Variants in SMAGP observed in about 807,000 individuals in gnomAD.
SMAGP encodes the protein small cell transmembrane and glycosylated protein.
Under a neutral mutation model 10.1 loss-of-function variants are expected in SMAGP, and 7 were observed. The ratio of observed to expected loss-of-function variants is 0.70; its 90% confidence interval spans 0.40 to 1.31. SMAGP has a LOEUF of 1.31. Ranked by LOEUF, SMAGP falls within the 50% of genes most tolerant of loss-of-function variation. SMAGP has a pLI of 0.01. For synonymous variants in SMAGP, 49 were observed against 47.2 expected (o/e 1.04, Z -0.16); for missense variants, 113 against 116.5 (o/e 0.97, Z 0.14).
intron 2 of SMAGP, among the ~76,000 whole-genome samples, chr12:51,248,676 A>G (rs1388992481): frequency 6.6e-6 from 1 of 152,018 alleles, no homozygotes; most frequent in African/African-American, 2.4e-5. Context: ...TCCTCATTCC[A>G]GAGGGAGAAT....
chr12:51,266,720 T>C (rs1944978043), intron 2 of SMAGP, among the ~76,000 whole-genome samples: 1 of 151,926 alleles, frequency 6.6e-6, no homozygotes, highest in African/African-American at 2.4e-5. Flanking sequence ...TCCACTGGGG[T>C]TTTTGGAATG....
chr12:51,262,917 T>C (rs755520156), intron 2 of SMAGP, among the ~76,000 whole-genome samples: 1 of 152,186 alleles, frequency 6.6e-6, no homozygotes, highest in Non-Finnish European at 1.5e-5. Flanking sequence ...GAAGCCACCC[T>C]GGGACTCGGC....
intron 2 of SMAGP, among the ~76,000 whole-genome samples, chr12:51,250,257 C>T (rs1305812711): frequency 6.6e-6 from 1 of 151,448 alleles, no homozygotes; most frequent in Non-Finnish European, 1.5e-5. Flanking sequence ...TAATATGCGC[C>T]TGTAGTCCCA....
intron 2 of SMAGP, among the ~76,000 whole-genome samples, chr12:51,259,125 C>A (rs1047535505): frequency 1.3e-5 from 2 of 151,984 alleles, no homozygotes; most frequent in Non-Finnish European, 2.9e-5. Flanking sequence ...CAGAGTAAGA[C>A]CCTGTCTCAA....
chr12:51,262,442 C>T (rs1446149773), intron 2 of SMAGP, among the ~76,000 whole-genome samples: 1 of 152,120 alleles, frequency 6.6e-6, no homozygotes, highest in Non-Finnish European at 1.5e-5. Context: ...GATTGAGCCA[C>T]TGCTCTACAG....
intron 2 of SMAGP, among the ~76,000 whole-genome samples, chr12:51,258,044 G>C (rs532209168): frequency 6.6e-6 from 1 of 152,030 alleles, no homozygotes; most frequent in African/African-American, 2.4e-5. Flanking sequence ...GCACACACCT[G>C]TAAGTCCAGC....
At chr12:51,260,728 C>T (rs191678386) in intron 2 of SMAGP, among the ~76,000 whole-genome samples, 2 of 137,454 alleles carry the variant, frequency 1.5e-5, no homozygotes, top group African/African-American at 5.6e-5. Context: ...TTCTCTGGCC[C>T]AGGCTGGAGT....
At chr12:51,264,627 TAAAAAAAAAAA>T (rs576531152) in intron 2 of SMAGP, among the ~76,000 whole-genome samples, 10 of 101,110 alleles carry the variant, frequency 9.9e-5, no homozygotes, top group Non-Finnish European at 2.0e-4. Context: ...TCCCATCTCT[TAAAAAAAAAAA>T]AAAAAAAAAA....
At chr12:51,257,483 G>C (rs529758205) in intron 2 of SMAGP, among the ~76,000 whole-genome samples, 2 of 152,100 alleles carry the variant, frequency 1.3e-5, no homozygotes, top group Non-Finnish European at 2.9e-5. Flanking sequence ...GCCGAGTGGG[G>C]AGAATTGTTT....
In SMAGP at chr12:51,270,401, G is replaced by A. The variant is rs1263830342; in HGVS notation, c.-184C>T. ...GCGGAGGAAGCCGCGGGTGGCGCGC[G>A]GGGTTGGCGCAGAGGCCGGAGGGGG... On this transcript the variant is annotated 5_prime_UTR_variant, in exon 1 of 4. Transcript: ENST00000603798. The A allele has an allele frequency of 4.2e-6, 1 of 236,520 alleles. No homozygotes were observed. Among genetic ancestry groups the A allele is most frequent in the East Asian group, 8.0e-5 (1 of 12,440 alleles). The allele number at this position is 236,520 out of a possible 1,614,324, so 14.7% of individuals were successfully genotyped here. A position where few individuals can be genotyped will look rare whatever the true frequency, so the allele number is the denominator to read the frequency against.
chr12:51,265,588 A>C (rs1944966452), intron 2 of SMAGP, among the ~76,000 whole-genome samples: 1 of 152,244 alleles, frequency 6.6e-6, no homozygotes, highest in African/African-American at 2.4e-5. Context: ...TGAGAATATT[A>C]TGCTAAGTGA....
intron 2 of SMAGP, among the ~76,000 whole-genome samples, chr12:51,259,621 G>A (rs1433132624): frequency 6.6e-6 from 1 of 152,056 alleles, no homozygotes; most frequent in African/African-American, 2.4e-5. Context: ...ACTTATGGGG[G>A]GGTCCCTAAA....
At chr12:51,265,242 C>G in intron 2 of SMAGP, among the ~76,000 whole-genome samples, 1 of 152,144 alleles carries the variant, frequency 6.6e-6, no homozygotes. Context: ...TGTAGAGAAA[C>G]TGAAACCTTT....
chr12:51,250,662 G>A (rs1325457341), intron 2 of SMAGP, among the ~76,000 whole-genome samples: 2 of 152,154 alleles, frequency 1.3e-5, no homozygotes, highest in Middle Eastern at 3.4e-3. Flanking sequence ...GATTATAAGC[G>A]TGTGCCACCA....
At chr12:51,251,254 C>T (rs899238940) in intron 2 of SMAGP, among the ~76,000 whole-genome samples, 5 of 151,808 alleles carry the variant, frequency 3.3e-5, no homozygotes, top group African/African-American at 1.2e-4. Context: ...GACAATATAG[C>T]AAGACACCAT....
intron 2 of SMAGP, among the ~76,000 whole-genome samples, chr12:51,253,256 CAGTT>C (rs1944857131): frequency 6.6e-6 from 1 of 152,130 alleles, no homozygotes; most frequent in Non-Finnish European, 1.5e-5. Flanking sequence ...GGAAATTAAA[CAGTT>C]AGTTCAACAA....
chr12:51,261,836 G>A (rs1028210648), intron 2 of SMAGP, among the ~76,000 whole-genome samples: 1 of 150,840 alleles, frequency 6.6e-6, no homozygotes, highest in East Asian at 2.0e-4. Flanking sequence ...TTGCTAAAAC[G>A]AATATGAGAT....
intron 1 of SMAGP, 49 bp from the exon 2 acceptor site, chr12:51,269,365 G>C (rs1945005935): frequency 1.3e-6 from 2 of 1,489,438 alleles, no homozygotes; most frequent in Non-Finnish European, 1.9e-6. Context: ...GGCCCCTATG[G>C]CTTTGAGTCC....
chr12:51,268,921 T>C (rs1328402425), intron 2 of SMAGP, among the ~76,000 whole-genome samples: 1 of 152,052 alleles, frequency 6.6e-6, no homozygotes, highest in African/African-American at 2.4e-5. Flanking sequence ...GGGGTCTCAC[T>C]ATGTTCCCCA....
Sources: gnomAD v4.1 joint callset for allele counts (sites outside exome capture counted in the v4.1 genomes callset) on GRCh38, gnomAD v4.1.1 for gene constraint, MANE v1.5 for transcripts, NCBI Gene and HGNC (gene_info 2026-07-23, HGNC 2026-07-21) for gene names.